Variants in SAPCD1 observed in about 807,000 individuals in gnomAD.
SAPCD1 encodes the protein suppressor APC domain containing 1.
SAPCD1 carries 16 observed loss-of-function variants against 20.7 expected under a neutral mutation model. The ratio of observed to expected loss-of-function variants is 0.77; its 90% CI spans 0.52 to 1.17. The LOEUF (loss-of-function observed/expected upper bound fraction) is 1.17, where lower values mean the gene tolerates loss of function less well. SAPCD1 is among the 50% of genes most tolerant of loss of function. The pLI, the probability that SAPCD1 is intolerant of heterozygous loss-of-function variation, is 0.00. For missense variants in SAPCD1, 173 were observed against 209.9 expected (o/e 0.82, Z 1.09); for synonymous variants, 77 against 84.8 (o/e 0.91, Z 0.50).
Position 31,763,463 on chromosome 6 carries a change from G to C in SAPCD1, c.163G>C (p.Gly55Arg), listed in dbSNP as rs1811214258. Residue 55 changes from glycine (G) to arginine (R), a missense_variant, in exon 2 of 5, where the codon GGT becomes CGT. Transcript: ENST00000415669. This position sits in a 1 kb window ranked among gnomAD's most constrained non-coding sequence, Gnocchi z 4.9. ...GAGAGAACAGGATGCCCTGTGGCAG[G>C]GTCTGGAGCTGCTACAGCATGGCCA... 2 of 1,612,988 alleles carry C rather than the reference G, an allele frequency of 1.2e-6. No individual in the cohort carries two copies. The highest frequency in any genetic ancestry group is 8.5e-7 in the Non-Finnish European group (1 of 1,179,972).
Position 31,763,541 on chromosome 6 carries a change from G to A in SAPCD1, c.241G>A (p.Gly81Arg). The A allele has an allele frequency of 6.2e-7, 1 of 1,611,668 alleles. No homozygotes were observed. Among genetic ancestry groups the A allele is most frequent in the Non-Finnish European group, 8.5e-7 (1 of 1,179,320 alleles). Residue 81 changes from glycine (G) to arginine (R), a missense_variant, in exon 2 of 5, where the codon GGG becomes AGG. Physicochemically the swap from Gly to Arg is moderately radical, Grantham distance 125 (BLOSUM62 -2). Transcript: ENST00000415669. The surrounding 1 kb of genome is among the most constrained non-coding windows in gnomAD (Gnocchi z 4.9). Reference sequence around the variant, plus strand: ...GGCACAGCGACAGCAGCTGCATCTAGGGGCCCTTGGTGAGGTATGGGGGCT... The same window carrying A: ...GGCACAGCGACAGCAGCTGCATCTAAGGGCCCTTGGTGAGGTATGGGGGCT...
Position 31,764,334 on chromosome 6 carries a change from G to A in SAPCD1, c.420G>A (p.Glu140=). The change falls in exon 4 of 5, where the codon GAG becomes GAA. Residue 140 remains glutamate, a synonymous_variant. Transcript: ENST00000415669. This position sits in a 1 kb window ranked among gnomAD's most constrained non-coding sequence, Gnocchi z 4.7. The stretch of plus-strand genomic sequence containing the variant: ...AGGATTCAAAGGAAAGACGAAGGGA[G>A]CAGAACTTGTGGCAGCAACAGGTAA... 6.2e-7 allele frequency: 1 copy of A among 1,614,180 alleles called. No homozygotes were observed. The highest frequency in any genetic ancestry group is 8.5e-7 in the Non-Finnish European group (1 of 1,180,000).
rs1487637282 is a variant in SAPCD1 at position 31,764,189 on chromosome 6, T to C, written c.351+30T>C. The stretch of plus-strand genomic sequence containing the variant: ...GTTTATTGTTTTCAGTTTAGACTTT[T>C]GGGAAGTTGGACTAGAGAGGGGAGT... On this transcript the variant is annotated intron_variant, in intron 3 of 4. Transcript: ENST00000415669. The surrounding 1 kb of genome is among the most constrained non-coding windows in gnomAD (Gnocchi z 4.7). 1 of 1,606,198 alleles carries C rather than the reference T, an allele frequency of 6.2e-7. No homozygotes were observed. Among genetic ancestry groups the C allele is most frequent in the Non-Finnish European group, 8.5e-7 (1 of 1,172,774 alleles).
chr6:31,763,964 G>A lies in SAPCD1; in HGVS notation c.256-100G>A, dbSNP rs376161149. The A allele has an allele frequency of 4.4e-5, 36 of 826,050 alleles. No individual in the cohort carries two copies. In the African/African-American group the frequency reaches 5.2e-4, roughly 12 times the overall value. 51.2% of individuals were successfully genotyped at this position (826,050 alleles called of 1,614,324 possible). A position where few individuals can be genotyped will look rare whatever the true frequency, so the allele number is the denominator to read the frequency against. On this transcript the variant is annotated intron_variant, in intron 2 of 4. Transcript: ENST00000415669. The surrounding 1 kb of genome is among the most constrained non-coding windows in gnomAD (Gnocchi z 4.9). ...CACCTGCCTGGGAGGGTACTGGGAC[G>A]AGGGGATCCAGATGAGAGGGATGGC...
Position 31,763,574 on chromosome 6 carries a change from T to C in SAPCD1, c.255+19T>C. 1 of 1,595,782 alleles carries C rather than the reference T, an allele frequency of 6.3e-7. No individual in the cohort carries two copies. The highest frequency in any genetic ancestry group is 1.1e-5 in the South Asian group (1 of 89,088). ...TGGTGAGGTATGGGGGCTGCCCCTC[T>C]GTGTGAATGGGGGGAGGACCAGGGA... On this transcript the variant is annotated intron_variant, in intron 2 of 4. Transcript: ENST00000415669. The surrounding 1 kb of genome is among the most constrained non-coding windows in gnomAD (Gnocchi z 4.9).
upstream of SAPCD1, chr6:31,762,831 A>G: frequency 1.8e-6 from 1 of 546,636 alleles, no homozygotes; most frequent in Non-Finnish European, 3.2e-6. Context: ...CATGAGAACG[A>G]ACCCCTTCAG....
rs2151383610 is a variant in SAPCD1 at position 31,763,278 on chromosome 6, C to T, written c.114+110C>T. The T allele has an allele frequency of 7.0e-6, 9 of 1,289,776 alleles. 1 individual carries two copies. The South Asian group carries it at 1.1e-4, about 16-fold the overall frequency. 79.9% of individuals were successfully genotyped at this position (1,289,776 alleles called of 1,614,324 possible). On this transcript the variant is annotated intron_variant, in intron 1 of 4. Coordinates refer to ENST00000415669, the Ensembl canonical transcript of SAPCD1. This position sits in a 1 kb window ranked among gnomAD's most constrained non-coding sequence, Gnocchi z 4.9. ...AGTGTTCCCGCCTGCCTCCCCTTGCCCTCCAGGTCCTCAGTGGCCAGTCTG... is the reference window on the plus strand; with the variant it reads ...AGTGTTCCCGCCTGCCTCCCCTTGCTCTCCAGGTCCTCAGTGGCCAGTCTG...
rs28399992 is a variant in SAPCD1 at position 31,764,282 on chromosome 6, T to C, written c.368T>C (p.Leu123Pro). 9,858 of 1,614,124 alleles carry C rather than the reference T, an allele frequency of 6.1e-3. 56 individuals carry two copies. The highest frequency in any genetic ancestry group is 9.2e-3 in the Admixed American group (551 of 60,026). ...CCCCTCCAGTTCTCCCCAAGTCCAC[T>C]GAACAAGGCTAGTTCCTGCACCACC... The change falls in exon 4 of 5, where the codon CTG becomes CCG. Residue 123 changes from leucine to proline, a missense_variant. Coordinates refer to ENST00000415669, the Ensembl canonical transcript of SAPCD1. This position sits in a 1 kb window ranked among gnomAD's most constrained non-coding sequence, Gnocchi z 4.7.
rs370709123 is a variant in SAPCD1, at chr6:31,764,273, C to T, written c.359C>T (p.Pro120Leu). Residue 120 changes from proline (P) to leucine (L), a missense_variant, in exon 4 of 5, where the codon CCA (proline) becomes CTA (leucine). Coordinates refer to ENST00000415669, the Ensembl canonical transcript of SAPCD1. The surrounding 1 kb of genome is among the most constrained non-coding windows in gnomAD (Gnocchi z 4.7). The stretch of plus-strand genomic sequence containing the variant: ...AGCGAATTTCCCCTCCAGTTCTCCC[C>T]AAGTCCACTGAACAAGGCTAGTTCC... The T allele has an allele frequency of 1.4e-4, 222 of 1,614,018 alleles. No homozygotes were observed. The highest frequency in any genetic ancestry group is 2.2e-4 in the Admixed American group (13 of 60,028).
Position 31,763,645 on chromosome 6 carries a change from G to A in SAPCD1, c.255+90G>A, listed in dbSNP as rs1262065737. 1.6e-6 allele frequency: 2 copies of A among 1,242,290 alleles called. No homozygotes were observed. The highest frequency in any genetic ancestry group is 2.2e-6 in the Non-Finnish European group (2 of 889,928). The allele number at this position is 1,242,290 out of a possible 1,614,324, so 77.0% of individuals were successfully genotyped here. A position where few individuals can be genotyped will look rare whatever the true frequency, so the allele number is the denominator to read the frequency against. On this transcript the variant is annotated intron_variant, in intron 2 of 4. Transcript: ENST00000415669. The surrounding 1 kb of genome is among the most constrained non-coding windows in gnomAD (Gnocchi z 4.9). ...AGACACAGCCTGAGACCACTCTGGA[G>A]AGGGGAGAGTTAATGGTCAGGGATC...
rs1811174676 is a variant in SAPCD1, at chr6:31,763,096, T to A, written c.42T>A (p.Ala14=). Residue 14 remains alanine, a synonymous_variant, in exon 1 of 5, where the codon GCT becomes GCA. Transcript: ENST00000415669. This position sits in a 1 kb window ranked among gnomAD's most constrained non-coding sequence, Gnocchi z 4.9. ...CTGGCGGGGTGCCCTTGGTGCAGGC[T>A]CCCTACACAGTCCTGCTGCTGCCGC... 6.4e-7 allele frequency: 1 copy of A among 1,570,256 alleles called. No individual in the cohort carries two copies. Among genetic ancestry groups the A allele is most frequent in the African/African-American group, 1.4e-5 (1 of 73,088 alleles).
chr6:31,763,564 G>T lies in SAPCD1; in HGVS notation c.255+9G>T, dbSNP rs1811225159. The T allele has an allele frequency of 1.2e-6, 2 of 1,603,236 alleles. No homozygotes were observed. Among genetic ancestry groups the T allele is most frequent in the South Asian group, 2.2e-5 (2 of 89,982 alleles). ...TAGGGGCCCTTGGTGAGGTATGGGG[G>T]CTGCCCCTCTGTGTGAATGGGGGGA... On this transcript the variant is annotated intron_variant, in intron 2 of 4. Transcript: ENST00000415669. The surrounding 1 kb of genome is among the most constrained non-coding windows in gnomAD (Gnocchi z 4.9).
chr6:31,763,293 T>A lies in SAPCD1; in HGVS notation c.115-122T>A. On this transcript the variant is annotated intron_variant, in intron 1 of 4. Coordinates refer to ENST00000415669, the Ensembl canonical transcript of SAPCD1. This position sits in a 1 kb window ranked among gnomAD's most constrained non-coding sequence, Gnocchi z 4.9. ...CTCCCCTTGCCCTCCAGGTCCTCAG[T>A]GGCCAGTCTGGGTTCACACTCAGTG... 1 of 1,380,264 alleles carries A rather than the reference T, an allele frequency of 7.2e-7. No homozygotes were observed. Among genetic ancestry groups the A allele is most frequent in the Non-Finnish European group, 1.0e-6 (1 of 984,642 alleles). The allele number at this position is 1,380,264 out of a possible 1,614,324, so 85.5% of individuals were successfully genotyped here.
chr6:31,763,683 C>G lies in SAPCD1; in HGVS notation c.255+128C>G. 4 of 904,948 alleles carry G rather than the reference C, an allele frequency of 4.4e-6. No individual in the cohort carries two copies. The highest frequency in any genetic ancestry group is 6.7e-6 in the Non-Finnish European group (4 of 600,308). 56.1% of individuals were successfully genotyped at this position (904,948 alleles called of 1,614,324 possible). A position where few individuals can be genotyped will look rare whatever the true frequency, so the allele number is the denominator to read the frequency against. Reference sequence around the variant, plus strand: ...ATGGTCAGGGATCATGAGTTGGAGGCAGCATCGTAATGACAGGATGCCACC... The same window carrying G: ...ATGGTCAGGGATCATGAGTTGGAGGGAGCATCGTAATGACAGGATGCCACC... On this transcript the variant is annotated intron_variant, in intron 2 of 4. Coordinates refer to ENST00000415669, the Ensembl canonical transcript of SAPCD1. This position sits in a 1 kb window ranked among gnomAD's most constrained non-coding sequence, Gnocchi z 4.9.
In SAPCD1 at chr6:31,763,200, G is replaced by A; in HGVS notation, c.114+32G>A. 1.5e-6 allele frequency: 2 copies of A among 1,343,982 alleles called. No individual in the cohort carries two copies. The highest frequency in any genetic ancestry group is 2.4e-5 in the East Asian group (1 of 41,948). The allele number at this position is 1,343,982 out of a possible 1,614,324, so 83.3% of individuals were successfully genotyped here. ...ATCAGCCCAACAAGAGGTCCCAGGGGAACTCTCTCAATAGATCTGCCCTTT... is the reference window on the plus strand; with the variant it reads ...ATCAGCCCAACAAGAGGTCCCAGGGAAACTCTCTCAATAGATCTGCCCTTT... On this transcript the variant is annotated intron_variant, in intron 1 of 4. Transcript: ENST00000415669. The surrounding 1 kb of genome is among the most constrained non-coding windows in gnomAD (Gnocchi z 4.9).
rs1326470189 is a variant in SAPCD1, at chr6:31,763,646, A to T, written c.255+91A>T. On this transcript the variant is annotated intron_variant, in intron 2 of 4. Coordinates refer to ENST00000415669, the Ensembl canonical transcript of SAPCD1. The surrounding 1 kb of genome is among the most constrained non-coding windows in gnomAD (Gnocchi z 4.9). ...GACACAGCCTGAGACCACTCTGGAG[A>T]GGGGAGAGTTAATGGTCAGGGATCA... The T allele has an allele frequency of 1.6e-6, 2 of 1,227,430 alleles. No individual in the cohort carries two copies. Among genetic ancestry groups the T allele is most frequent in the Non-Finnish European group, 2.3e-6 (2 of 877,584 alleles). The allele number at this position is 1,227,430 out of a possible 1,614,324, so 76.0% of individuals were successfully genotyped here.
At position 31,763,927 on chromosome 6, in the gene SAPCD1, A is replaced by T; in HGVS notation, c.256-137A>T. 1 of 665,324 alleles carries T rather than the reference A, an allele frequency of 1.5e-6. No individual in the cohort carries two copies. Among genetic ancestry groups the T allele is most frequent in the Non-Finnish European group, 2.7e-6 (1 of 369,940 alleles). The allele number at this position is 665,324 out of a possible 1,614,324, so 41.2% of individuals were successfully genotyped here. A position where few individuals can be genotyped will look rare whatever the true frequency, so the allele number is the denominator to read the frequency against. The stretch of plus-strand genomic sequence containing the variant: ...TGCTAAAGAGATGGAGGTGGAGAGT[A>T]CTGGATTTTCCCACCTGCCTGGGAG... On this transcript the variant is annotated intron_variant, in intron 2 of 4. Coordinates refer to ENST00000415669, the Ensembl canonical transcript of SAPCD1. The surrounding 1 kb of genome is among the most constrained non-coding windows in gnomAD (Gnocchi z 4.9).
rs918748001 is a variant in SAPCD1, at chr6:31,764,686, T to G, written c.*155T>G. The G allele has an allele frequency of 3.3e-6, 2 of 607,838 alleles. No homozygotes were observed. The highest frequency in any genetic ancestry group is 5.9e-6 in the Non-Finnish European group (2 of 339,600). The allele number at this position is 607,838 out of a possible 1,614,324, so 37.7% of individuals were successfully genotyped here. On this transcript the variant is annotated 3_prime_UTR_variant, in exon 5 of 5. Coordinates refer to ENST00000415669, the Ensembl canonical transcript of SAPCD1. The surrounding 1 kb of genome is among the most constrained non-coding windows in gnomAD (Gnocchi z 4.7). ...AAGTTTCTCCTCTGCTCCTGAAAAC[T>G]TCATCTTCTTGGTGTCTCATGTCCT...
chr6:31,764,376 C>T lies in SAPCD1; in HGVS notation c.441+21C>T. 6.2e-7 allele frequency: 1 copy of T among 1,609,596 alleles called. No homozygotes were observed. Among genetic ancestry groups the T allele is most frequent in the Non-Finnish European group, 8.5e-7 (1 of 1,175,832 alleles). ...AACAGGTAAACTTCAAGAAGGAGGG[C>T]AGGAGCCCCACCCTACAGGGCTGGG... On this transcript the variant is annotated intron_variant, in intron 4 of 4. Transcript: ENST00000415669. The surrounding 1 kb of genome is among the most constrained non-coding windows in gnomAD (Gnocchi z 4.7).
Sources: gnomAD v4.1 joint callset for allele counts on GRCh38, gnomAD v4.1.1 for gene constraint, Gnocchi (gnomAD v3.1) non-coding constraint, MANE v1.5 for transcripts, NCBI Gene and HGNC (gene_info 2026-07-23, HGNC 2026-07-21) for gene names.